The following USH2A variants were observed in gnomAD, a reference collection of about 807,000 sequenced individuals.
USH2A encodes usherin.
A neutral mutation model predicts 538.9 loss-of-function variants in USH2A; 443 were observed. The observed-to-expected ratio is 0.82, with a 90% CI of 0.76 to 0.89. The LOEUF (loss-of-function observed/expected upper bound fraction) is 0.89, where lower values mean the gene tolerates loss of function less well. USH2A is among the 40% of genes least tolerant of loss of function. The pLI is 0.00. For missense variants in USH2A, 6,633 were observed against 6,324.8 expected, an observed-to-expected ratio of 1.05 and a Z score of -1.65; for synonymous variants, 2,413 against 2,273.5, an observed-to-expected ratio of 1.06 and a Z score of -1.75.
intron 71 of USH2A, among the ~76,000 whole-genome samples, chr1:215,627,380 CCTTCTTT>C (rs1656068964): frequency 1.8e-4 from 24 of 133,870 alleles, no homozygotes; most frequent in Non-Finnish European, 2.9e-4. Context: ...TCCCTCCCTT[CCTTCTTT>C]CCTTCCTTCC....
chr1:215,870,847 T>C (rs775627393), intron 43 of USH2A, among the ~76,000 whole-genome samples: 5 of 152,126 alleles, frequency 3.3e-5, no homozygotes, highest in Non-Finnish European at 7.4e-5. Context: ...GGACATTCCA[T>C]TTAATAAATG....
At position 216,292,247 on chromosome 1, in the gene USH2A, C is replaced by A; in HGVS notation, c.1768G>T (p.Val590Leu). Residue 590 changes from valine to leucine, a missense_variant, in exon 10 of 72, where the codon GTA (valine) becomes TTA (leucine). Coordinates refer to ENST00000307340, the MANE Select transcript of USH2A (RefSeq NM_206933.4). ...AAGTGCTCAAAAGGAAATGGGTCTA[C>A]AGAGATGTTGTAATGGCAGCTTTTG... is the stretch of plus-strand genomic sequence containing the variant. Reference protein sequence around the residue: ...HSKSCHYNISVDPFPFEHFRG... With the variant: ...HSKSCHYNISLDPFPFEHFRG... 6.2e-7 allele frequency: 1 copy of A among 1,614,070 alleles called. No homozygotes were observed. The highest frequency in any genetic ancestry group is 8.5e-7 in the Non-Finnish European group (1 of 1,179,970).
rs560474533 is a variant in USH2A, at chr1:215,812,451, G to A, written c.9739+1285C>T. On this transcript the variant is annotated intron_variant, in intron 49 of 71. Transcript: ENST00000307340. ...AGATGAACCCATCAGGTGATTGCAC[G>A]CCTTCTATATTTGCTCCAGTATTTT... Among the ~76,000 whole-genome samples the A allele has an allele frequency of 3.3e-5, 5 of 152,250 alleles. No homozygotes were observed. In the South Asian group the frequency reaches 8.3e-4, roughly 25 times the overall value.
At chr1:215,948,710 G>T (rs546528053) in intron 37 of USH2A, among the ~76,000 whole-genome samples, 16 of 151,974 alleles carry the variant, frequency 1.1e-4, no homozygotes, top group African/African-American at 3.4e-4. Context: ...ATTTTATAAG[G>T]ATTTTCCTGT....
At chr1:215,763,677 T>G (rs1287577229) in intron 56 of USH2A, among the ~76,000 whole-genome samples, 1 of 151,954 alleles carries the variant, frequency 6.6e-6, no homozygotes, top group African/African-American at 2.4e-5. Flanking sequence ...TTTATGGAGG[T>G]GAATAATATG....
At chr1:215,677,391 A>T (rs1658068247) in intron 62 of USH2A, among the ~76,000 whole-genome samples, 1 of 152,100 alleles carries the variant, frequency 6.6e-6, no homozygotes, top group African/African-American at 2.4e-5. Context: ...TTTAAATAAA[A>T]CTTCCCATCC....
intron 15 of USH2A, among the ~76,000 whole-genome samples, chr1:216,211,872 C>T (rs1174888859): frequency 6.6e-6 from 1 of 152,014 alleles, no homozygotes; most frequent in Non-Finnish European, 1.5e-5. Flanking sequence ...GGTTTTAAAT[C>T]CTGTTGTTCT....
intron 3 of USH2A, among the ~76,000 whole-genome samples, chr1:216,395,712 A>T (rs982763693): frequency 2.0e-5 from 3 of 152,204 alleles, no homozygotes; most frequent in Non-Finnish European, 2.9e-5. Flanking sequence ...ATTTTTGACT[A>T]TTGCAAGACA....
chr1:216,378,141 G>A (rs1484415562), intron 3 of USH2A, among the ~76,000 whole-genome samples: 2 of 152,040 alleles, frequency 1.3e-5, no homozygotes, highest in Admixed American at 1.3e-4. Context: ...AAATTAATGA[G>A]CCTAAACTAT....
chr1:215,900,593 ATT>A (rs1665467143), intron 39 of USH2A, 160 bp downstream of exon 39: 8 of 987,056 alleles, frequency 8.1e-6, no homozygotes, highest in Non-Finnish European at 1.2e-5. Flanking sequence ...AAAAATAGAT[ATT>A]TTTGCAAAGC....
chr1:215,829,287 C>T (rs1240019571), intron 47 of USH2A, among the ~76,000 whole-genome samples: 2 of 152,088 alleles, frequency 1.3e-5, no homozygotes, highest in African/African-American at 2.4e-5. Context: ...GAAAAACATG[C>T]ATAAGGGCTT....
At chr1:216,366,589 C>G (rs983555194) in intron 3 of USH2A, among the ~76,000 whole-genome samples, 19 of 151,766 alleles carry the variant, frequency 1.3e-4, no homozygotes, top group African/African-American at 3.9e-4. Context: ...ATGTCCCCCC[C>G]CAAAAAAACA....
At chr1:215,667,685 G>A (rs1463063850) in intron 64 of USH2A, among the ~76,000 whole-genome samples, 1 of 151,344 alleles carries the variant, frequency 6.6e-6, no homozygotes, top group Non-Finnish European at 1.5e-5. Context: ...GTGACAGAGC[G>A]AGACTGTGTC....
chr1:216,257,005 AT>A (rs1478296809), intron 11 of USH2A, among the ~76,000 whole-genome samples: 2 of 151,882 alleles, frequency 1.3e-5, no homozygotes, highest in African/African-American at 2.4e-5. Context: ...TTACTTACAC[AT>A]GTTATAAAAC....
chr1:216,237,494 T>TAAAAAAAAAAAAA (rs59074625), intron 13 of USH2A, among the ~76,000 whole-genome samples: 1 of 114,296 alleles, frequency 8.7e-6, no homozygotes, highest in Non-Finnish European at 1.8e-5. Context: ...GACTCCGTCT[T>TAAAAAAAAAAAAA]AAAAAAAAAA....
At chr1:215,824,719 G>A (rs1663106425) in intron 47 of USH2A, among the ~76,000 whole-genome samples, 1 of 152,146 alleles carries the variant, frequency 6.6e-6, no homozygotes, top group Admixed American at 6.6e-5. Flanking sequence ...GCTTCCTGTG[G>A]GTTGAGGCAG....
intron 32 of USH2A, among the ~76,000 whole-genome samples, chr1:216,044,333 T>C (rs1268795241): frequency 6.6e-6 from 1 of 152,166 alleles, no homozygotes; most frequent in Non-Finnish European, 1.5e-5. Context: ...ACAGAAGTGC[T>C]TTGTATGTTA....
intron 32 of USH2A, among the ~76,000 whole-genome samples, chr1:216,023,757 T>A (rs1184264359): frequency 6.6e-6 from 1 of 152,104 alleles, no homozygotes; most frequent in Non-Finnish European, 1.5e-5. Flanking sequence ...GATGGTATTA[T>A]GTGTTTGTTA....
intron 71 of USH2A, among the ~76,000 whole-genome samples, chr1:215,628,073 CA>C (rs1656124265): frequency 6.6e-6 from 1 of 152,146 alleles, no homozygotes; most frequent in Non-Finnish European, 1.5e-5. Context: ...CATTTGTCAT[CA>C]TTTCCTAAGG....
Sources: allele counts gnomAD v4.1 joint callset (sites outside exome capture counted in the v4.1 genomes callset), GRCh38; gene constraint gnomAD v4.1.1; transcripts MANE v1.5; gene names NCBI Gene and HGNC (gene_info 2026-07-23, HGNC 2026-07-21).